MFSD6: variants seen among roughly 807,000 people sequenced by gnomAD.
MFSD6 encodes the protein major facilitator superfamily domain-containing protein 6.
A neutral mutation model predicts 56.3 loss-of-function variants in MFSD6; 26 were observed. The observed-to-expected ratio is 0.46, with a 90% CI of 0.34 to 0.64. The LOEUF is 0.64. MFSD6 is among the 30% of genes least tolerant of loss of function. The pLI, the probability that MFSD6 is intolerant of heterozygous loss-of-function variation, is 0.01. For synonymous variants in MFSD6, 331 were observed against 366.9 expected (o/e 0.90, Z 1.12); for missense variants, 750 against 986.2 (o/e 0.76, Z 3.21).
chr2:190,460,570 G>A (rs2125115386), intron 3 of MFSD6, among the ~76,000 whole-genome samples: 1 of 152,346 alleles, frequency 6.6e-6, no homozygotes, highest in East Asian at 1.9e-4. Flanking sequence ...AAGCATTGGG[G>A]ATAAAAATGA....
In MFSD6 at chr2:190,485,940, A is replaced by T. The variant is rs1336075426; in HGVS notation, c.1631-2717A>T. Among the ~76,000 whole-genome samples the T allele has an allele frequency of 6.6e-6, 1 of 152,196 alleles. No homozygotes were observed. The highest frequency in any genetic ancestry group is 1.5e-5 in the Non-Finnish European group (1 of 68,036). On this transcript the variant is annotated intron_variant, in intron 4 of 7. Coordinates refer to ENST00000392328, the MANE Select transcript of MFSD6 (RefSeq NM_017694.4). This position sits in a 1 kb window ranked among gnomAD's most constrained non-coding sequence, Gnocchi z 5.1. Reference sequence around the variant, plus strand: ...AAAAACAGTGTTTATTCCATTATGGACTGACTTAAGTAATATCATCCCTGA... The same window carrying T: ...AAAAACAGTGTTTATTCCATTATGGTCTGACTTAAGTAATATCATCCCTGA...
intron 3 of MFSD6, chr2:190,464,783 C>T (rs1231918615): frequency 3.0e-6 from 1 of 332,792 alleles, no homozygotes; most frequent in Non-Finnish European, 4.3e-6. Flanking sequence ...GCTGTAAGTC[C>T]CTTGAAGACC....
rs553038460 is a variant in MFSD6, at chr2:190,437,870, A to G, written c.1532+309A>G. ...ACAGTACATGTTTTCAGGTATAGGA[A>G]CACCAGCTTAGTGAACATATTATTC... On this transcript the variant is annotated intron_variant, in intron 3 of 7. Coordinates refer to ENST00000392328, the MANE Select transcript of MFSD6 (RefSeq NM_017694.4). This position sits in a 1 kb window ranked among gnomAD's most constrained non-coding sequence, Gnocchi z 5.9. Among the ~76,000 whole-genome samples the G allele has an allele frequency of 6.6e-6, 1 of 152,316 alleles. No individual in the cohort carries two copies. Among genetic ancestry groups the G allele is most frequent in the South Asian group, 2.1e-4 (1 of 4,830 alleles).
intron 4 of MFSD6, among the ~76,000 whole-genome samples, chr2:190,475,701 G>GA (rs1317567667): frequency 4.6e-5 from 7 of 152,062 alleles, no homozygotes; most frequent in Admixed American, 1.3e-4. Flanking sequence ...CACAGAATTG[G>GA]AAAAAACTAC....
chr2:190,471,343 G>A lies in MFSD6; in HGVS notation c.1630+1488G>A, dbSNP rs573988548. On this transcript the variant is annotated intron_variant, in intron 4 of 7. Transcript: ENST00000392328. The surrounding 1 kb of genome is among the most constrained non-coding windows in gnomAD (Gnocchi z 4.7). Reference sequence around the variant, plus strand: ...GGTCAGGGAATTCCCTTTCCTAGCCGAGGAAAGGGGTGAGAGATGGCACCT... The same window carrying A: ...GGTCAGGGAATTCCCTTTCCTAGCCAAGGAAAGGGGTGAGAGATGGCACCT... 1.6e-4 allele frequency among the ~76,000 whole-genome samples: 25 copies of A among 152,310 alleles called. No individual in the cohort carries two copies. The highest frequency in any genetic ancestry group is 6.2e-4 in the South Asian group (3 of 4,824).
At chr2:190,493,069 C>T (rs1369057854) in intron 6 of MFSD6, among the ~76,000 whole-genome samples, 1 of 152,048 alleles carries the variant, frequency 6.6e-6, no homozygotes, top group Non-Finnish European at 1.5e-5. Context: ...AAATGCTCCA[C>T]TTAAAAGATA....
intron 4 of MFSD6, among the ~76,000 whole-genome samples, chr2:190,480,854 A>G (rs1031365641): frequency 3.9e-5 from 6 of 152,246 alleles, no homozygotes; most frequent in Non-Finnish European, 7.3e-5. Context: ...GTTAGAAAAC[A>G]TACAATACAA....
At chr2:190,481,218 G>A (rs1024545110) in intron 4 of MFSD6, among the ~76,000 whole-genome samples, 1 of 152,166 alleles carries the variant, frequency 6.6e-6, no homozygotes, top group African/African-American at 2.4e-5. Flanking sequence ...TATGCCAAAG[G>A]CATAATGCCA....
At chr2:190,430,818 G>C (rs374523031) in intron 2 of MFSD6, among the ~76,000 whole-genome samples, 46,610 of 122,178 alleles carry the variant, frequency 0.38, 8,237 homozygotes, top group Admixed American at 0.52. Flanking sequence ...CCTCCCTCCC[G>C]GACGGGGCGG....
rs1689839123 is a variant in MFSD6 at position 190,498,550 on chromosome 2, C to T, written c.2172+831C>T. Among the ~76,000 whole-genome samples the T allele has an allele frequency of 6.6e-6, 1 of 152,098 alleles. No homozygotes were observed. Among genetic ancestry groups the T allele is most frequent in the Non-Finnish European group, 1.5e-5 (1 of 68,020 alleles). On this transcript the variant is annotated intron_variant, in intron 7 of 7. Transcript: ENST00000392328. The surrounding 1 kb of genome is among the most constrained non-coding windows in gnomAD (Gnocchi z 5.9). ...CATAAAATCTTTGTGAAATTTTAAC[C>T]AAATCTGGTTCTTTACTGATAACCA...
chr2:190,432,365 C>T (rs1308789622), intron 2 of MFSD6, among the ~76,000 whole-genome samples: 4 of 152,152 alleles, frequency 2.6e-5, no homozygotes. Flanking sequence ...AGCATGGCAC[C>T]GTTTACAACT....
In MFSD6 at chr2:190,462,182, T is replaced by C. The variant is rs902659691; in HGVS notation, c.1533-7576T>C. ...AATATGGATATGAATTGATTCCATA[T>C]TGAGTACACATACAGACATTTTATG... On this transcript the variant is annotated intron_variant, in intron 3 of 7. Coordinates refer to ENST00000392328, the MANE Select transcript of MFSD6 (RefSeq NM_017694.4). The surrounding 1 kb of genome is among the most constrained non-coding windows in gnomAD (Gnocchi z 5.7). Among the ~76,000 whole-genome samples, 1 of 152,206 alleles carries C rather than the reference T, an allele frequency of 6.6e-6. No homozygotes were observed. Among genetic ancestry groups the C allele is most frequent in the African/African-American group, 2.4e-5 (1 of 41,456 alleles).
Position 190,443,727 on chromosome 2 carries a change from G to C in MFSD6, c.1532+6166G>C, listed in dbSNP as rs776278495. ...CTCCTGATACAGCCTTTATATAATA[G>C]AATCTTTTGCTCTTATAAACAAAGG... On this transcript the variant is annotated intron_variant, in intron 3 of 7. Transcript: ENST00000392328. The surrounding 1 kb of genome is among the most constrained non-coding windows in gnomAD (Gnocchi z 4.2). Among the ~76,000 whole-genome samples the C allele has an allele frequency of 6.6e-6, 1 of 152,136 alleles. No homozygotes were observed. Among genetic ancestry groups the C allele is most frequent in the Admixed American group, 6.5e-5 (1 of 15,276 alleles).
intron 4 of MFSD6, among the ~76,000 whole-genome samples, chr2:190,484,129 G>A (rs1257386130): frequency 6.6e-6 from 1 of 152,152 alleles, no homozygotes; most frequent in Non-Finnish European, 1.5e-5. Context: ...AATTGTCACT[G>A]AAGGCTCAGT....
intron 2 of MFSD6, among the ~76,000 whole-genome samples, chr2:190,420,601 C>T (rs1007438463): frequency 6.6e-6 from 1 of 152,160 alleles, no homozygotes; most frequent in African/African-American, 2.4e-5. Context: ...AATATTTTTA[C>T]TACTCTTTGT....
rs1408964377 is a variant in MFSD6, at chr2:190,465,038, T to C, written c.1533-4720T>C. ...TTCATTGTATCTATATCTTGAACACTCTTGAAAAAAATACCAGTTTTATTA... is the reference window on the plus strand; with the variant it reads ...TTCATTGTATCTATATCTTGAACACCCTTGAAAAAAATACCAGTTTTATTA... On this transcript the variant is annotated intron_variant, in intron 3 of 7. Coordinates refer to ENST00000392328, the MANE Select transcript of MFSD6 (RefSeq NM_017694.4). The surrounding 1 kb of genome is among the most constrained non-coding windows in gnomAD (Gnocchi z 4.6). 2.0e-6 allele frequency: 1 copy of C among 495,854 alleles called. No individual in the cohort carries two copies. The highest frequency in any genetic ancestry group is 2.6e-6 in the Non-Finnish European group (1 of 381,506). The allele number at this position is 495,854 out of a possible 1,614,324, so 30.7% of individuals were successfully genotyped here.
Position 190,499,664 on chromosome 2 carries a change from AT to A in MFSD6, c.2173-349del, listed in dbSNP as rs1316728118. 6.6e-6 allele frequency among the ~76,000 whole-genome samples: 1 copy of A among 152,230 alleles called. No homozygotes were observed. Among genetic ancestry groups the A allele is most frequent in the Admixed American group, 6.5e-5 (1 of 15,284 alleles). Reference sequence around the variant, plus strand: ...TTAGCAAGCGGCCTGAGTTTCAGTTATTCCATAGTGCTTGCCCAGCGACTTG... The same window carrying A: ...TTAGCAAGCGGCCTGAGTTTCAGTTATCCATAGTGCTTGCCCAGCGACTTG... On this transcript the variant is annotated intron_variant, in intron 7 of 7. Coordinates refer to ENST00000392328, the MANE Select transcript of MFSD6 (RefSeq NM_017694.4). This position sits in a 1 kb window ranked among gnomAD's most constrained non-coding sequence, Gnocchi z 6.0.
chr2:190,445,166 T>C (rs1013924320), intron 3 of MFSD6, among the ~76,000 whole-genome samples: 5 of 152,194 alleles, frequency 3.3e-5, no homozygotes, highest in African/African-American at 1.2e-4. Flanking sequence ...TTTATTCATC[T>C]GTAAATCTGG....
At chr2:190,435,831 G>A (rs1317049197) in intron 2 of MFSD6, 146 bp from the exon 3 acceptor site, 14 of 686,902 alleles carry the variant, frequency 2.0e-5, no homozygotes, top group South Asian at 5.5e-5. Flanking sequence ...TACCGGTATT[G>A]TGTGGCTGCA....
Sources: gnomAD v4.1 joint callset for allele counts (sites outside exome capture counted in the v4.1 genomes callset) on GRCh38, gnomAD v4.1.1 for gene constraint, Gnocchi (gnomAD v3.1) non-coding constraint, MANE v1.5 for transcripts, NCBI Gene and HGNC (gene_info 2026-07-23, HGNC 2026-07-21) for gene names.